ZBTB20: variants seen among roughly 807,000 people sequenced by gnomAD.
ZBTB20 encodes zinc finger and BTB domain-containing protein 20.
ZBTB20 carries 9 observed loss-of-function variants against 56.9 expected under a neutral mutation model. The ratio of observed to expected loss-of-function variants is 0.16; its 90% CI spans 0.10 to 0.28. The LOEUF (loss-of-function observed/expected upper bound fraction) is 0.28, where lower values mean the gene tolerates loss of function less well. Among genes scored for constraint, ZBTB20 ranks in the 10% least tolerant of loss-of-function variants. The probability of loss-of-function intolerance (pLI) is 1.00; values close to 1 mark genes in which losing one functional copy is unlikely to be tolerated. For synonymous variants in ZBTB20, 417 were observed against 420.7 expected, an observed-to-expected ratio of 0.99 and a Z score of 0.11; for missense variants, 655 against 1,003.0, an observed-to-expected ratio of 0.65 and a Z score of 4.69.
At chr3:114,449,841 A>C (rs1475855458) in intron 7 of ZBTB20, among the ~76,000 whole-genome samples, 1 of 152,136 alleles carries the variant, frequency 6.6e-6, no homozygotes, top group Non-Finnish European at 1.5e-5. Context: ...CTATCATTTC[A>C]CTGGCAAATT....
chr3:115,038,915 CCT>C (rs764775929), intron 2 of ZBTB20, among the ~76,000 whole-genome samples: 14 of 151,938 alleles, frequency 9.2e-5, no homozygotes, highest in Non-Finnish European at 1.6e-4. Context: ...CAATTTTTTA[CCT>C]TTTTATTATT....
At chr3:114,696,129 G>A (rs1339882548) in intron 5 of ZBTB20, among the ~76,000 whole-genome samples, 1 of 152,040 alleles carries the variant, frequency 6.6e-6, no homozygotes, top group African/African-American at 2.4e-5. Context: ...TGTTAAAACA[G>A]AGAACCTCAC....
intron 4 of ZBTB20, among the ~76,000 whole-genome samples, chr3:114,831,607 T>G (rs1479414975): frequency 6.6e-6 from 1 of 152,110 alleles, no homozygotes; most frequent in Non-Finnish European, 1.5e-5. Flanking sequence ...GTAAGCTTTA[T>G]ATAAATGTTT....
chr3:114,591,174 A>G (rs1382632209), intron 6 of ZBTB20, among the ~76,000 whole-genome samples: 1 of 152,206 alleles, frequency 6.6e-6, no homozygotes, highest in Non-Finnish European at 1.5e-5. Flanking sequence ...GAGGGGTTTG[A>G]TAATTCTGTC....
At chr3:115,011,294 G>A (rs2079696774) in intron 2 of ZBTB20, among the ~76,000 whole-genome samples, 1 of 151,818 alleles carries the variant, frequency 6.6e-6, no homozygotes, top group Non-Finnish European at 1.5e-5. Context: ...AATATTCCAA[G>A]TACGAGAAGG....
intron 7 of ZBTB20, among the ~76,000 whole-genome samples, chr3:114,480,245 A>T (rs2041373416): frequency 6.6e-6 from 1 of 152,144 alleles, no homozygotes; most frequent in Non-Finnish European, 1.5e-5. Context: ...AAGCCTAGCA[A>T]GGTTTAAGTT....
chr3:115,137,325 G>A (rs910928266), intron 1 of ZBTB20, among the ~76,000 whole-genome samples: 3 of 152,048 alleles, frequency 2.0e-5, no homozygotes, highest in Admixed American at 6.6e-5. Context: ...AAGGGTATAT[G>A]AGTATGTATG....
At chr3:114,450,625 C>T (rs1244508087) in intron 7 of ZBTB20, among the ~76,000 whole-genome samples, 1 of 152,072 alleles carries the variant, frequency 6.6e-6, no homozygotes, top group Non-Finnish European at 1.5e-5. Flanking sequence ...ACTTTCAAGG[C>T]AGTCTTGCAT....
chr3:114,823,860 C>G (rs1021225725), intron 4 of ZBTB20, among the ~76,000 whole-genome samples: 2 of 151,908 alleles, frequency 1.3e-5, no homozygotes, highest in African/African-American at 2.4e-5. Context: ...AAACACCATA[C>G]GTGATTAAAA....
intron 1 of ZBTB20, among the ~76,000 whole-genome samples, chr3:115,101,592 A>ATCTC (rs1408357428): frequency 2.6e-5 from 4 of 152,190 alleles, no homozygotes; most frequent in Non-Finnish European, 4.4e-5. Context: ...TTATCTATCT[A>ATCTC]GACACCCACC....
At chr3:114,805,909 G>A (rs2072070177) in intron 4 of ZBTB20, among the ~76,000 whole-genome samples, 1 of 151,486 alleles carries the variant, frequency 6.6e-6, no homozygotes, top group African/African-American at 2.4e-5. Context: ...CTTTTATGTT[G>A]TGGCATGTAG....
At chr3:114,531,497 TC>T (rs1241896708) in intron 6 of ZBTB20, among the ~76,000 whole-genome samples, 1 of 152,184 alleles carries the variant, frequency 6.6e-6, no homozygotes, top group African/African-American at 2.4e-5. Context: ...TACCCTTCCA[TC>T]ATACCAGAGT....
chr3:115,111,401 C>T (rs1277405671), intron 1 of ZBTB20, among the ~76,000 whole-genome samples: 1 of 152,074 alleles, frequency 6.6e-6, no homozygotes, highest in Non-Finnish European at 1.5e-5. Context: ...ATACATACCT[C>T]TTATGATGTT....
chr3:114,884,177 G>A (rs2076517816), intron 4 of ZBTB20, among the ~76,000 whole-genome samples: 3 of 151,594 alleles, frequency 2.0e-5, no homozygotes, highest in Admixed American at 6.6e-5. Flanking sequence ...CGCCCGCCTC[G>A]GCCTCCCAAA....
chr3:114,561,628 C>T (rs1354757750), intron 6 of ZBTB20, among the ~76,000 whole-genome samples: 1 of 152,012 alleles, frequency 6.6e-6, no homozygotes, highest in Non-Finnish European at 1.5e-5. Flanking sequence ...TTAAAATATT[C>T]AGTAAATCAT....
chr3:114,922,027 T>C (rs747124347), intron 3 of ZBTB20, among the ~76,000 whole-genome samples: 11 of 152,204 alleles, frequency 7.2e-5, no homozygotes, highest in Non-Finnish European at 1.6e-4. Context: ...GATTTATCTC[T>C]GGGATGCAAG....
chr3:114,368,921 G>A (rs1424677062), intron 10 of ZBTB20, among the ~76,000 whole-genome samples: 3 of 152,204 alleles, frequency 2.0e-5, no homozygotes, highest in Non-Finnish European at 4.4e-5. Flanking sequence ...AATCCAGTCA[G>A]GTGTACCTAT....
chr3:114,543,172 G>A (rs542479703), intron 6 of ZBTB20, among the ~76,000 whole-genome samples: 1 of 151,568 alleles, frequency 6.6e-6, no homozygotes, highest in South Asian at 2.1e-4. Flanking sequence ...CCATCTTTAG[G>A]TTACCTATAA....
At chr3:114,482,913 C>G (rs1310367838) in intron 7 of ZBTB20, among the ~76,000 whole-genome samples, 2 of 152,082 alleles carry the variant, frequency 1.3e-5, no homozygotes, top group African/African-American at 4.8e-5. Flanking sequence ...ATTCATTCTC[C>G]AAACATTTAT....
Sources: gnomAD v4.1 joint callset for allele counts (sites outside exome capture counted in the v4.1 genomes callset) on GRCh38, gnomAD v4.1.1 for gene constraint, MANE v1.5 for transcripts, NCBI Gene and HGNC (gene_info 2026-07-23, HGNC 2026-07-21) for gene names.